Variants in DIS3L2 observed in about 807,000 individuals in gnomAD.
DIS3L2 encodes the protein DIS3 like 3'-5' exoribonuclease 2.
In DIS3L2, 34 loss-of-function variants were observed where a neutral mutation model predicts 97.5. That is an observed-to-expected ratio of 0.35 (90% confidence interval 0.27 to 0.46). The LOEUF (loss-of-function observed/expected upper bound fraction) is 0.46. Ranked by LOEUF, DIS3L2 falls within the 20% of genes least tolerant of loss-of-function variation. The pLI is 1.00. For missense variants in DIS3L2, 1,038 were observed against 1,146.0 expected (o/e 0.91, Z 1.36); for synonymous variants, 435 against 445.2 (o/e 0.98, Z 0.29).
chr2:232,194,174 C>T (rs867283957), intron 9 of DIS3L2, among the ~76,000 whole-genome samples: 59 of 151,800 alleles, frequency 3.9e-4, no homozygotes, highest in African/African-American at 1.4e-3. Context: ...CTATATATAT[C>T]TTAGTATATA....
At chr2:232,065,043 A>G (rs1256016427) in intron 5 of DIS3L2, among the ~76,000 whole-genome samples, 1 of 152,108 alleles carries the variant, frequency 6.6e-6, no homozygotes, top group Non-Finnish European at 1.5e-5. Flanking sequence ...TTTCCTATCT[A>G]ATATATCTCT....
chr2:232,114,528 A>G (rs748556956), intron 6 of DIS3L2, among the ~76,000 whole-genome samples: 2 of 152,196 alleles, frequency 1.3e-5, no homozygotes, highest in Non-Finnish European at 2.9e-5. Context: ...CATTCAGGTT[A>G]TGACATCCAG....
intron 14 of DIS3L2, among the ~76,000 whole-genome samples, chr2:232,324,557 A>G (rs1444431815): frequency 3.3e-5 from 5 of 152,166 alleles, no homozygotes; most frequent in Middle Eastern, 3.4e-3. Flanking sequence ...GTCCTGTGTG[A>G]GGAAGGGGTG....
chr2:231,969,289 A>C (rs1019985947), intron 1 of DIS3L2, among the ~76,000 whole-genome samples: 13 of 147,176 alleles, frequency 8.8e-5, no homozygotes, highest in African/African-American at 1.2e-4. Flanking sequence ...AAGCTCACTT[A>C]GTTCTTATTA....
chr2:232,312,400 A>G (rs1695159513), intron 14 of DIS3L2, among the ~76,000 whole-genome samples: 1 of 152,188 alleles, frequency 6.6e-6, no homozygotes, highest in Non-Finnish European at 1.5e-5. Context: ...CCTTTGTCAA[A>G]AATGAAGTAC....
intron 9 of DIS3L2, among the ~76,000 whole-genome samples, chr2:232,182,764 C>T (rs1378920365): frequency 1.3e-5 from 2 of 152,148 alleles, no homozygotes; most frequent in South Asian, 2.1e-4. Flanking sequence ...GTTTGCATGA[C>T]ACCTGCACAT....
In DIS3L2 at chr2:232,263,253, A is replaced by G. The variant is rs776040852; in HGVS notation, c.1472A>G (p.Lys491Arg). Residue 491 changes from lysine (K) to arginine (R), a missense_variant, in exon 13 of 21, where the codon AAA becomes AGA. Physicochemically the swap from Lys to Arg is conservative, Grantham distance 26. Around this residue, in one of 3 missense-constraint regions of DIS3L2, gnomAD observed 813 missense variants for 880.1 expected, o/e 0.92. Coordinates refer to ENST00000325385, the MANE Select transcript of DIS3L2 (RefSeq NM_152383.5). ...FGRTIIRSCTKLSYEHAQSMI... is the reference protein window; with the variant it reads ...FGRTIIRSCTRLSYEHAQSMI... ...CGGACCATCATCCGCTCCTGCACCA[A>G]ACTTAGCTACGAGCATGCACAGAGC... is the stretch of plus-strand genomic sequence containing the variant. The G allele has an allele frequency of 9.9e-6, 16 of 1,614,086 alleles. No homozygotes were observed. The highest frequency in any genetic ancestry group is 1.7e-5 in the Admixed American group (1 of 60,010).
chr2:231,961,900 C>T (rs1692566291), intron 1 of DIS3L2, 135 bp downstream of exon 1: 1 of 152,524 alleles, frequency 6.6e-6, no homozygotes, highest in African/African-American at 2.4e-5. Flanking sequence ...GGACGAGCGT[C>T]TTCCGCCTCT....
At position 232,298,320 on chromosome 2, in the gene DIS3L2, A is replaced by T. The variant is rs189034094; in HGVS notation, c.1660-1720A>T. 4.1e-3 allele frequency among the ~76,000 whole-genome samples: 621 copies of T among 152,330 alleles called. 2 individuals are homozygous for T. Among genetic ancestry groups the T allele is most frequent in the Non-Finnish European group, 7.2e-3 (490 of 68,032 alleles). The stretch of plus-strand genomic sequence containing the variant: ...TTCATAACTTAAATCACTGAGTCAA[A>T]TCATATGAAAATTTCTAAGCAATGC... On this transcript the variant is annotated intron_variant, in intron 13 of 20. Coordinates refer to ENST00000325385, the MANE Select transcript of DIS3L2 (RefSeq NM_152383.5).
chr2:231,977,883 T>G (rs1462705985), intron 1 of DIS3L2, among the ~76,000 whole-genome samples: 6 of 152,242 alleles, frequency 3.9e-5, no homozygotes, highest in Non-Finnish European at 8.8e-5. Flanking sequence ...TTGTTTTTAT[T>G]CTTGAGTTCT....
chr2:232,111,093 T>TA (rs1361901529), intron 6 of DIS3L2: 4 of 391,488 alleles, frequency 1.0e-5, no homozygotes, highest in African/African-American at 8.5e-5. Context: ...TAAAAATACT[T>TA]CAAAATGTGA....
intron 14 of DIS3L2, among the ~76,000 whole-genome samples, chr2:232,319,715 T>C (rs964260498): frequency 6.6e-6 from 1 of 152,158 alleles, no homozygotes; most frequent in African/African-American, 2.4e-5. Context: ...CCAGGAGAGC[T>C]TTCTTAATGC....
chr2:232,342,146 T>C (rs1696116277), downstream of DIS3L2, among the ~76,000 whole-genome samples: 1 of 152,092 alleles, frequency 6.6e-6, no homozygotes, highest in Non-Finnish European at 1.5e-5. Context: ...CATATACATA[T>C]ATACACATAT....
At position 232,113,613 on chromosome 2, in the gene DIS3L2, A is replaced by G. The variant is rs184071977; in HGVS notation, c.602-17006A>G. 2.6e-3 allele frequency among the ~76,000 whole-genome samples: 403 copies of G among 152,274 alleles called. 2 individuals are homozygous for G. Among genetic ancestry groups the G allele is most frequent in the African/African-American group, 9.1e-3 (378 of 41,548 alleles). On this transcript the variant is annotated intron_variant, in intron 6 of 20. Coordinates refer to ENST00000325385, the MANE Select transcript of DIS3L2 (RefSeq NM_152383.5). ...TAAGATTAAGGTATTATAAAACCCAAAAGGAGGGATTGAAACCACCATTGC... is the reference window on the plus strand; with the variant it reads ...TAAGATTAAGGTATTATAAAACCCAGAAGGAGGGATTGAAACCACCATTGC...
intron 12 of DIS3L2, among the ~76,000 whole-genome samples, chr2:232,254,626 C>T (rs558166136): frequency 1.3e-5 from 2 of 152,236 alleles, no homozygotes; most frequent in African/African-American, 4.8e-5. Context: ...TGAATTTTGC[C>T]TGCCAAAGTC....
At chr2:232,031,621 G>A (rs1021058686) in intron 5 of DIS3L2, among the ~76,000 whole-genome samples, 3 of 151,410 alleles carry the variant, frequency 2.0e-5, no homozygotes, top group Non-Finnish European at 2.9e-5. Context: ...ATCTATATTA[G>A]GTATTTCTTC....
At chr2:232,099,428 C>G (rs1697130019) in intron 6 of DIS3L2, among the ~76,000 whole-genome samples, 1 of 152,046 alleles carries the variant, frequency 6.6e-6, no homozygotes, top group African/African-American at 2.4e-5. Flanking sequence ...GTTGTCCAGG[C>G]TGGTCTGAAC....
chr2:232,224,838 TAA>T (rs767838664), intron 10 of DIS3L2, among the ~76,000 whole-genome samples: 30 of 121,576 alleles, frequency 2.5e-4, no homozygotes, highest in Non-Finnish European at 2.1e-4. Flanking sequence ...ACTCTGTCTT[TAA>T]AAAAAAAAAA....
intron 14 of DIS3L2, among the ~76,000 whole-genome samples, chr2:232,321,269 C>T (rs753938568): frequency 2.6e-5 from 4 of 152,156 alleles, no homozygotes; most frequent in Non-Finnish European, 4.4e-5. Flanking sequence ...CAGACCTGGG[C>T]GAGGGACTGA....
Sources: allele counts gnomAD v4.1 joint callset (sites outside exome capture counted in the v4.1 genomes callset), GRCh38; gene constraint gnomAD v4.1.1; regional missense constraint gnomAD v4.1.1; transcripts MANE v1.5; gene names NCBI Gene and HGNC (gene_info 2026-07-23, HGNC 2026-07-21).